Variants in MGST1 observed in about 807,000 individuals in gnomAD.
MGST1 encodes microsomal glutathione S-transferase 1.
In MGST1, 5 loss-of-function variants were observed where a neutral mutation model predicts 8.9. That is an observed-to-expected ratio of 0.56 (90% confidence interval 0.29 to 1.19). The LOEUF is 1.19. Ranked by LOEUF, MGST1 falls within the 50% of genes most tolerant of loss-of-function variation. MGST1 has a pLI of 0.08. For missense variants in MGST1, 182 were observed against 187.4 expected (o/e 0.97, Z 0.17); for synonymous variants, 54 against 67.8 (o/e 0.80, Z 1.00).
At chr12:16,487,358 A>T (rs903767195) in intron 4 of MGST1, among the ~76,000 whole-genome samples, 7 of 152,216 alleles carry the variant, frequency 4.6e-5, no homozygotes, top group Admixed American at 4.6e-4. Context: ...TCTGGGAAGA[A>T]ATAATTTTCT....
At chr12:16,488,526 A>C (rs1445856719) in intron 4 of MGST1, among the ~76,000 whole-genome samples, 4 of 152,174 alleles carry the variant, frequency 2.6e-5, no homozygotes, top group Non-Finnish European at 5.9e-5. Context: ...GTCAGATCAA[A>C]ATCCCCTATT....
Position 16,560,700 on chromosome 12 carries a change from C to A in MGST1, n.483-28828C>A. 1 of 659,300 alleles carries A rather than the reference C, an allele frequency of 1.5e-6. No individual in the cohort carries two copies. The highest frequency in any genetic ancestry group is 2.6e-6 in the Non-Finnish European group (1 of 379,828). 40.8% of individuals were successfully genotyped at this position (659,300 alleles called of 1,614,324 possible). ...AGGTGTATGCATAAATATTCTTCTG[C>A]AATATATTCTCCGTTGACCTTCCTT... On this transcript the variant is annotated intron_variant and non_coding_transcript_variant, in intron 4 of 4. Transcript: ENST00000538857. This position sits in a 1 kb window ranked among gnomAD's most constrained non-coding sequence, Gnocchi z 5.0.
At chr12:16,434,606 ACTTT>A (rs2137096898) in intron 1 of MGST1, among the ~76,000 whole-genome samples, 1 of 152,086 alleles carries the variant, frequency 6.6e-6, no homozygotes, top group South Asian at 2.1e-4. Flanking sequence ...AATTGAACAG[ACTTT>A]CTTTTTCTTT....
intron 3 of MGST1, among the ~76,000 whole-genome samples, chr12:16,375,249 G>T (rs750136498): frequency 2.6e-5 from 4 of 151,908 alleles, no homozygotes; most frequent in Non-Finnish European, 5.9e-5. Flanking sequence ...AACTATAGAG[G>T]GAAGGAGGCA....
chr12:16,520,726 C>T (rs1941642850), intron 4 of MGST1, among the ~76,000 whole-genome samples: 1 of 152,116 alleles, frequency 6.6e-6, no homozygotes, highest in African/African-American at 2.4e-5. Flanking sequence ...AATAAATTTG[C>T]ATTCTATCTT....
intron 4 of MGST1, among the ~76,000 whole-genome samples, chr12:16,579,048 C>A (rs1943081466): frequency 6.6e-6 from 1 of 152,024 alleles, no homozygotes; most frequent in Non-Finnish European, 1.5e-5. Context: ...AATAGGTGAC[C>A]TTTTCCAACC....
Position 16,364,169 on chromosome 12 carries a change from T to A in MGST1, c.*128T>A. On this transcript the variant is annotated 3_prime_UTR_variant, in exon 4 of 4. Coordinates refer to ENST00000396210, the MANE Select transcript of MGST1 (RefSeq NM_020300.5). The surrounding 1 kb of genome is among the most constrained non-coding windows in gnomAD (Gnocchi z 5.7). ...AATTATGAACTGGGGTAAACCCATT[T>A]TGAATATTAGCATTGCCAATATCCT... 1.4e-6 allele frequency: 2 copies of A among 1,383,064 alleles called. No homozygotes were observed. The highest frequency in any genetic ancestry group is 1.9e-6 in the Non-Finnish European group (2 of 1,066,004). The allele number at this position is 1,383,064 out of a possible 1,614,324, so 85.7% of individuals were successfully genotyped here.
At chr12:16,474,502 C>T (rs1218176336) in intron 4 of MGST1, among the ~76,000 whole-genome samples, 4 of 152,140 alleles carry the variant, frequency 2.6e-5, no homozygotes, top group Admixed American at 6.6e-5. Context: ...ATTACTCTAC[C>T]CCAAAGCTGA....
chr12:16,524,975 T>C (rs150969536), intron 4 of MGST1, among the ~76,000 whole-genome samples: 1 of 152,136 alleles, frequency 6.6e-6, no homozygotes, highest in East Asian at 1.9e-4. Flanking sequence ...GCCACTGTTA[T>C]TGCCTTTATC....
At position 16,474,873 on chromosome 12, in the gene MGST1, G is replaced by A. The variant is rs368274913; in HGVS notation, n.482+91269G>A. On this transcript the variant is annotated intron_variant and non_coding_transcript_variant, in intron 4 of 4. Coordinates refer to the MGST1 transcript ENST00000538857. The stretch of plus-strand genomic sequence containing the variant: ...TTTTCTCCATTCATTTTACATGAAA[G>A]CTGTCATTATTGGGATAAGAATAAA... Among the ~76,000 whole-genome samples the A allele has an allele frequency of 4.4e-4, 67 of 152,290 alleles. 2 individuals carry two copies. The East Asian group carries it at 6.5e-3, about 15-fold the overall frequency.
downstream of MGST1, among the ~76,000 whole-genome samples, chr12:16,439,192 A>G (rs1464025539): frequency 1.3e-5 from 2 of 151,816 alleles, no homozygotes; most frequent in Non-Finnish European, 2.9e-5. Context: ...CCAGAGGACT[A>G]TTTTAGAGTT....
At chr12:16,583,457 G>T (rs1398348815) in intron 4 of MGST1, among the ~76,000 whole-genome samples, 2 of 152,134 alleles carry the variant, frequency 1.3e-5, no homozygotes, top group Non-Finnish European at 2.9e-5. Context: ...ACTAAAGACT[G>T]AAGAAAAACA....
chr12:16,363,895 A>T lies in MGST1; in HGVS notation c.322A>T (p.Arg108Ter). The T allele has an allele frequency of 1.9e-6, 3 of 1,613,954 alleles. No individual in the cohort carries two copies. Among genetic ancestry groups the T allele is most frequent in the Non-Finnish European group, 2.5e-6 (3 of 1,179,898 alleles). ...CCCCTCTACAGCCATCCTGCACTTC[A>T]GACTATTTGTCGGAGCACGGATCTA... ...PDPSTAILHF[R>*]LFVGARIYHT... Residue 108 changes from arginine (R) to a stop codon, truncating the protein, a stop_gained, in exon 4 of 4, where the codon AGA becomes TGA. Transcript: ENST00000396210. LOFTEE classifies it high-confidence loss of function. This position sits in a 1 kb window ranked among gnomAD's most constrained non-coding sequence, Gnocchi z 4.6.
chr12:16,546,068 G>C lies in MGST1; in HGVS notation n.483-43460G>C, dbSNP rs992393360. On this transcript the variant is annotated intron_variant and non_coding_transcript_variant, in intron 4 of 4. Transcript: ENST00000538857. The surrounding 1 kb of genome is among the most constrained non-coding windows in gnomAD (Gnocchi z 4.7). ...TCATTTTAATAGTACCTGTGTCACA[G>C]GGGTGTTGTGGGAATTACATGCGTG... 3.3e-5 allele frequency among the ~76,000 whole-genome samples: 5 copies of C among 152,054 alleles called. No individual in the cohort carries two copies. Among genetic ancestry groups the C allele is most frequent in the Non-Finnish European group, 7.4e-5 (5 of 67,974 alleles).
intron 4 of MGST1, among the ~76,000 whole-genome samples, chr12:16,580,873 G>A (rs939370879): frequency 1.2e-4 from 19 of 152,088 alleles, no homozygotes; most frequent in African/African-American, 4.6e-4. Flanking sequence ...AAACAGAATT[G>A]ACCACTGTTA....
At chr12:16,375,922 C>T (rs772211649) in intron 3 of MGST1, among the ~76,000 whole-genome samples, 10 of 151,722 alleles carry the variant, frequency 6.6e-5, no homozygotes, top group African/African-American at 1.9e-4. Flanking sequence ...TAAATGAATA[C>T]GCTCCCATGC....
At chr12:16,525,494 T>C (rs1209386874) in intron 4 of MGST1, among the ~76,000 whole-genome samples, 1 of 150,414 alleles carries the variant, frequency 6.6e-6, no homozygotes, top group African/African-American at 2.5e-5. Context: ...TATGGCTGCA[T>C]AGTATTCCAT....
In MGST1 at chr12:16,551,023, T is replaced by C; in HGVS notation, n.483-38505T>C. 3 of 490,356 alleles carry C rather than the reference T, an allele frequency of 6.1e-6. No homozygotes were observed. The Middle Eastern group carries it at 9.5e-4, about 155-fold the overall frequency. 30.4% of individuals were successfully genotyped at this position (490,356 alleles called of 1,614,324 possible). A position where few individuals can be genotyped will look rare whatever the true frequency, so the allele number is the denominator to read the frequency against. On this transcript the variant is annotated intron_variant and non_coding_transcript_variant, in intron 4 of 4. Coordinates refer to the MGST1 transcript ENST00000538857. The stretch of plus-strand genomic sequence containing the variant: ...AGCCATATGTACATTACTTTTTTCT[T>C]TAATAATAAACATTCAACTCTGAAC...
intron 4 of MGST1, chr12:16,549,662 G>A (rs562841905): frequency 6.6e-6 from 1 of 152,354 alleles, no homozygotes; most frequent in South Asian, 2.1e-4. Context: ...AAAACCCATA[G>A]CACTAAGTTT....
Sources: gnomAD v4.1 joint callset for allele counts (sites outside exome capture counted in the v4.1 genomes callset) on GRCh38, gnomAD v4.1.1 for gene constraint, Gnocchi (gnomAD v3.1) non-coding constraint, MANE v1.5 for transcripts, NCBI Gene and HGNC (gene_info 2026-07-23, HGNC 2026-07-21) for gene names.